LOC400499: variants seen among roughly 807,000 people sequenced by gnomAD.
At chr16:11,384,166 G>A in the LOC400499 span, 1 of 1,213,924 alleles carries the variant, frequency 8.2e-7, no homozygotes, top group Non-Finnish European at 1.0e-6. Flanking sequence ...GCAGTGAGCA[G>A]CCCTCAAGAA....
At chr16:11,422,502 C>T in the LOC400499 span, among the ~76,000 whole-genome samples, 1 of 152,176 alleles carries the variant, frequency 6.6e-6, no homozygotes, top group Admixed American at 6.5e-5. Context: ...CAAACAGCAG[C>T]AACAGCGGCA....
chr16:11,442,787 C>T, the LOC400499 span, among the ~76,000 whole-genome samples: 2,526 of 152,272 alleles, frequency 0.017, 81 homozygotes, highest in African/African-American at 0.058. Context: ...CCCATGGCGC[C>T]GGCTCTGCAA....
chr16:11,403,962 T>A, the LOC400499 span, among the ~76,000 whole-genome samples: 1 of 152,188 alleles, frequency 6.6e-6, no homozygotes, highest in Non-Finnish European at 1.5e-5. Context: ...CCAGCCCTCC[T>A]GCCTCGCCTC....
chr16:11,461,959 G>A, the LOC400499 span, among the ~76,000 whole-genome samples: 2 of 152,202 alleles, frequency 1.3e-5, no homozygotes, highest in South Asian at 4.1e-4. Flanking sequence ...GGAGGTTGGG[G>A]GAGGTTCTGG....
chr16:11,403,551 T>G, the LOC400499 span, among the ~76,000 whole-genome samples: 1 of 152,208 alleles, frequency 6.6e-6, no homozygotes, highest in Non-Finnish European at 1.5e-5. Context: ...TCACTTCCTC[T>G]GCCTTCCAGG....
the LOC400499 span, among the ~76,000 whole-genome samples, chr16:11,387,994 G>A: frequency 6.6e-6 from 1 of 152,110 alleles, no homozygotes; most frequent in African/African-American, 2.4e-5. Context: ...TAGGAGTCAA[G>A]CCTGTGAGAT....
chr16:11,481,661 C>T, the LOC400499 span, among the ~76,000 whole-genome samples: 1 of 151,408 alleles, frequency 6.6e-6, no homozygotes, highest in African/African-American at 2.4e-5. Flanking sequence ...GAGACGGAGT[C>T]TTGCTCTGTC....
the LOC400499 span, among the ~76,000 whole-genome samples, chr16:11,419,340 G>A: frequency 1.3e-5 from 2 of 151,860 alleles, no homozygotes; most frequent in Admixed American, 1.3e-4. Flanking sequence ...AGAAAAACAA[G>A]CAATGGGGAA....
At chr16:11,380,186 A>G in the LOC400499 span, among the ~76,000 whole-genome samples, 1 of 152,102 alleles carries the variant, frequency 6.6e-6, no homozygotes, top group Non-Finnish European at 1.5e-5. Flanking sequence ...AATTACAGAG[A>G]TGAATGAAAA....
At chr16:11,458,764 G>C in the LOC400499 span, among the ~76,000 whole-genome samples, 64,674 of 151,914 alleles carry the variant, frequency 0.43, 14,401 homozygotes, top group Non-Finnish European at 0.5. Context: ...GGCCGGGTGT[G>C]GTGGCTCATG....
At chr16:11,405,811 T>C in the LOC400499 span, among the ~76,000 whole-genome samples, 1 of 152,314 alleles carries the variant, frequency 6.6e-6, no homozygotes, top group South Asian at 2.1e-4. Flanking sequence ...TATTTGATCA[T>C]GGCTTCAAAG....
the LOC400499 span, among the ~76,000 whole-genome samples, chr16:11,455,232 C>G: frequency 6.6e-6 from 1 of 152,136 alleles, no homozygotes; most frequent in African/African-American, 2.4e-5. Flanking sequence ...CAAAAGGTAA[C>G]TCTTTTAAGA....
At chr16:11,392,464 G>C in the LOC400499 span, 62 of 399,036 alleles carry the variant, frequency 1.6e-4, no homozygotes, top group Non-Finnish European at 2.7e-5. Context: ...TCCGCCCATG[G>C]GCACATGCCC....
the LOC400499 span, among the ~76,000 whole-genome samples, chr16:11,481,400 G>A: frequency 6.6e-5 from 10 of 152,126 alleles, no homozygotes; most frequent in Non-Finnish European, 1.2e-4. Flanking sequence ...TTGGTTCACT[G>A]CAACCTCTGC....
chr16:11,452,181 T>C, the LOC400499 span, among the ~76,000 whole-genome samples: 2 of 151,100 alleles, frequency 1.3e-5, no homozygotes, highest in East Asian at 1.9e-4. Flanking sequence ...AGAACATCTG[T>C]CTGGTTGCTC....
the LOC400499 span, among the ~76,000 whole-genome samples, chr16:11,439,920 C>G: frequency 6.6e-6 from 1 of 151,966 alleles, no homozygotes; most frequent in Non-Finnish European, 1.5e-5. Context: ...ACAATGACCA[C>G]CTCATTTAAT....
chr16:11,424,121 G>A, the LOC400499 span: 9 of 399,316 alleles, frequency 2.3e-5, no homozygotes, highest in East Asian at 3.6e-5. Flanking sequence ...GGAAGTGCCC[G>A]TGGCCATCTA....
the LOC400499 span, chr16:11,447,962 A>G: frequency 1.3e-5 from 20 of 1,536,000 alleles, no homozygotes; most frequent in East Asian, 4.6e-4. Context: ...CGTTTCCGGT[A>G]CAATGTCCTG....
the LOC400499 span, among the ~76,000 whole-genome samples, chr16:11,459,188 A>ATTTT: frequency 1.3e-4 from 16 of 119,888 alleles, no homozygotes; most frequent in African/African-American, 5.0e-4. Context: ...TCCTAAACCA[A>ATTTT]TTTTTTTTTT....
Sources: gnomAD v4.1 joint callset for allele counts (sites outside exome capture counted in the v4.1 genomes callset) on GRCh38, gnomAD v4.1.1 for gene constraint, MANE v1.5 for transcripts.